Variants in VEGFC observed in about 807,000 individuals in gnomAD.
VEGFC encodes FLT4 ligand DHM.
VEGFC carries 12 observed loss-of-function variants against 46.1 expected under a neutral mutation model. The ratio of observed to expected loss-of-function variants is 0.26; its 90% CI spans 0.17 to 0.42. The LOEUF (loss-of-function observed/expected upper bound fraction) is 0.42, where lower values mean the gene tolerates loss of function less well. VEGFC is among the 10% of genes least tolerant of loss of function. The pLI is 1.00. For synonymous variants in VEGFC, 232 were observed against 195.5 expected (o/e 1.19, Z -1.56); for missense variants, 488 against 529.4 (o/e 0.92, Z 0.77).
intron 1 of VEGFC, among the ~76,000 whole-genome samples, chr4:176,760,014 A>G (rs1447892063): frequency 6.6e-6 from 1 of 152,174 alleles, no homozygotes; most frequent in Non-Finnish European, 1.5e-5. Context: ...AATAGTTAAT[A>G]ACAAGGAGGA....
At chr4:176,692,655 G>C (rs1408232949) in intron 4 of VEGFC, among the ~76,000 whole-genome samples, 1 of 147,066 alleles carries the variant, frequency 6.8e-6, no homozygotes, top group East Asian at 1.9e-4. Flanking sequence ...TGCCTCTGTA[G>C]GCTCCACCTC....
chr4:176,769,461 A>G (rs921720187), intron 1 of VEGFC, among the ~76,000 whole-genome samples: 1 of 152,204 alleles, frequency 6.6e-6, no homozygotes, highest in African/African-American at 2.4e-5. Flanking sequence ...CTTTAGCAAC[A>G]TGGAGGTCAC....
chr4:176,777,149 TA>T (rs377638543), intron 1 of VEGFC, among the ~76,000 whole-genome samples: 1 of 150,142 alleles, frequency 6.7e-6, no homozygotes, highest in South Asian at 2.1e-4. Context: ...CCATCTCTAC[TA>T]AAAAAAAATA....
intron 1 of VEGFC, among the ~76,000 whole-genome samples, chr4:176,730,570 C>T (rs577901703): frequency 2.0e-5 from 3 of 151,918 alleles, no homozygotes; most frequent in East Asian, 1.9e-4. Flanking sequence ...CATGATTATC[C>T]CAGCTTTTAA....
chr4:176,771,723 C>T (rs1016292051), intron 1 of VEGFC, among the ~76,000 whole-genome samples: 13 of 152,146 alleles, frequency 8.5e-5, no homozygotes, highest in African/African-American at 3.1e-4. Context: ...ACTGTTTTTC[C>T]TCTGTGAGGA....
rs187830726 is a variant in VEGFC at position 176,783,075 on chromosome 4, T to C, written c.147+9090A>G. On this transcript the variant is annotated intron_variant, in intron 1 of 6. Coordinates refer to ENST00000618562, the MANE Select transcript of VEGFC (RefSeq NM_005429.5). ...GCAAGTCACAGCACTGACTGGCAAA[T>C]TGACAAAGAGAACCACCAAACAAAA... is the stretch of plus-strand genomic sequence containing the variant. Among the ~76,000 whole-genome samples the C allele has an allele frequency of 1.9e-3, 288 of 152,200 alleles. 2 individuals are homozygous for C. The highest frequency in any genetic ancestry group is 6.6e-3 in the African/African-American group (273 of 41,544).
intron 1 of VEGFC, among the ~76,000 whole-genome samples, chr4:176,761,712 T>C (rs1735533274): frequency 1.3e-5 from 2 of 152,218 alleles, no homozygotes; most frequent in South Asian, 2.1e-4. Flanking sequence ...CATGTGCCTA[T>C]GTAACCTTGG....
intron 5 of VEGFC, 86 bp downstream of exon 5, chr4:176,687,735 T>C: frequency 9.2e-7 from 1 of 1,085,896 alleles, no homozygotes; most frequent in Admixed American, 2.4e-5. Context: ...GAATGATGAA[T>C]ATTATATGTG....
intron 4 of VEGFC, among the ~76,000 whole-genome samples, chr4:176,692,105 G>A (rs185600254): frequency 6.6e-6 from 1 of 152,060 alleles, no homozygotes; most frequent in East Asian, 1.9e-4. Flanking sequence ...CTTAAAAAAC[G>A]GCGCACCGGC....
At chr4:176,789,124 C>T (rs1736049232) in intron 1 of VEGFC, among the ~76,000 whole-genome samples, 1 of 152,184 alleles carries the variant, frequency 6.6e-6, no homozygotes, top group Non-Finnish European at 1.5e-5. Flanking sequence ...GTGAAAACCC[C>T]AGCAAGAGCT....
intron 3 of VEGFC, among the ~76,000 whole-genome samples, chr4:176,713,178 A>G (rs1232578112): frequency 6.6e-6 from 1 of 152,220 alleles, no homozygotes; most frequent in Non-Finnish European, 1.5e-5. Context: ...ATACTGTCTG[A>G]TCTGCATAGA....
At chr4:176,721,412 C>A (rs1340418604) in intron 3 of VEGFC, among the ~76,000 whole-genome samples, 3 of 151,912 alleles carry the variant, frequency 2.0e-5, no homozygotes, top group African/African-American at 7.3e-5. Context: ...CAGTATCTGA[C>A]TTAGCATTAA....
chr4:176,741,763 G>A (rs1418092385), intron 1 of VEGFC, among the ~76,000 whole-genome samples: 1 of 151,930 alleles, frequency 6.6e-6, no homozygotes, highest in Non-Finnish European at 1.5e-5. Context: ...AGGTGAACTA[G>A]AGAGATTCAC....
intron 4 of VEGFC, among the ~76,000 whole-genome samples, chr4:176,698,593 G>T (rs1042487514): frequency 6.6e-6 from 1 of 151,918 alleles, no homozygotes; most frequent in African/African-American, 2.4e-5. Context: ...TGTGTGTGTG[G>T]GGGAGTTGGG....
In VEGFC at chr4:176,721,583, A is replaced by G. The variant is rs146361272; in HGVS notation, c.552+6195T>C. Among the ~76,000 whole-genome samples, 61 of 152,282 alleles carry G rather than the reference A, an allele frequency of 4.0e-4. No individual in the cohort carries two copies. The East Asian group carries it at 9.5e-3, about 24-fold the overall frequency. On this transcript the variant is annotated intron_variant, in intron 3 of 6. Coordinates refer to ENST00000618562, the MANE Select transcript of VEGFC (RefSeq NM_005429.5). ...GGGATTAGCAGCGTGGAGACACTGGATAGGTCCTAGAGATGTTTGCAAGGT... is the reference window on the plus strand; with the variant it reads ...GGGATTAGCAGCGTGGAGACACTGGGTAGGTCCTAGAGATGTTTGCAAGGT...
Position 176,687,351 on chromosome 4 carries a change from T to C in VEGFC, c.981A>G (p.Gln327=), listed in dbSNP as rs745769667. The change falls in exon 6 of 7, where the codon CAA becomes CAG. Residue 327 remains glutamine, a synonymous_variant. Transcript: ENST00000618562. Reference sequence around the variant, plus strand: ...CATCAAATTCTCGGTTGGCCCCACATTGGCTGGGGAAGAGTTTGTTTTTAC... The same window carrying C: ...CATCAAATTCTCGGTTGGCCCCACACTGGCTGGGGAAGAGTTTGTTTTTAC... The part of the protein sequence containing the change: ...CVCKNKLFPS[Q]CGANREFDEN... 3.7e-6 allele frequency: 6 copies of C among 1,614,060 alleles called. No individual in the cohort carries two copies. Among genetic ancestry groups the C allele is most frequent in the African/African-American group, 1.3e-5 (1 of 74,944 alleles).
rs553307768 is a variant in VEGFC at position 176,756,714 on chromosome 4, G to A, written c.148-26968C>T. 1.1e-3 allele frequency among the ~76,000 whole-genome samples: 174 copies of A among 152,134 alleles called. 1 individual carries two copies. Among genetic ancestry groups the A allele is most frequent in the African/African-American group, 4.0e-3 (165 of 41,520 alleles). ...CACTGCTAGGTTAAGATGTAGAAAT[G>A]ATATTATCTCATTTACAATGAAACA... On this transcript the variant is annotated intron_variant, in intron 1 of 6. Coordinates refer to ENST00000618562, the MANE Select transcript of VEGFC (RefSeq NM_005429.5).
At chr4:176,734,505 A>G (rs1469183859) in intron 1 of VEGFC, among the ~76,000 whole-genome samples, 2 of 151,858 alleles carry the variant, frequency 1.3e-5, no homozygotes, top group African/African-American at 2.4e-5. Context: ...CTATCTTTAG[A>G]CTAAGAAATA....
chr4:176,696,646 T>C (rs980041915), intron 4 of VEGFC, among the ~76,000 whole-genome samples: 17 of 151,440 alleles, frequency 1.1e-4, no homozygotes, highest in Non-Finnish European at 1.5e-4. Flanking sequence ...TTAAAGTTCA[T>C]ATGGAACCAA....
Sources: allele counts gnomAD v4.1 joint callset (sites outside exome capture counted in the v4.1 genomes callset), GRCh38; gene constraint gnomAD v4.1.1; transcripts MANE v1.5; gene names NCBI Gene and HGNC (gene_info 2026-07-23, HGNC 2026-07-21).